ZBTB17: variants seen among roughly 807,000 people sequenced by gnomAD.
ZBTB17 encodes zinc finger and BTB domain-containing protein 17.
Under a neutral mutation model 85.1 loss-of-function variants are expected in ZBTB17, and 24 were observed. That is an observed-to-expected ratio of 0.28 (90% CI 0.20 to 0.40). ZBTB17 has a LOEUF of 0.40. Ranked by LOEUF, ZBTB17 falls within the 10% of genes least tolerant of loss-of-function variation. The pLI is 1.00. For synonymous variants in ZBTB17, 464 were observed against 460.2 expected (o/e 1.01, Z -0.11); for missense variants, 743 against 1,105.1 (o/e 0.67, Z 4.65).
Position 15,945,090 on chromosome 1 carries a change from C to T in ZBTB17, c.774G>A (p.Glu258=). The part of the protein sequence containing the change: ...AEVKEEGSQL[E]NGEAPEENEN... ...CGTTCTCCTCGGGGGCCTCTCCGTT[C>T]TCCAGCTGGGAACCCTCCTCCTTGA... Residue 258 remains glutamate (E), a synonymous_variant, in exon 7 of 16, where the codon GAG becomes GAA. Transcript: ENST00000375743. The T allele has an allele frequency of 6.2e-7, 1 of 1,611,462 alleles. No individual in the cohort carries two copies. Among genetic ancestry groups the T allele is most frequent in the Non-Finnish European group, 8.5e-7 (1 of 1,179,112 alleles).
intron 2 of ZBTB17, among the ~76,000 whole-genome samples, chr1:15,958,735 G>A (rs937242401): frequency 1.1e-4 from 16 of 152,218 alleles, no homozygotes; most frequent in Admixed American, 5.2e-4. Context: ...CTGGGACGAC[G>A]TGACCACACC....
At chr1:15,962,251 T>C (rs1290251359) in intron 2 of ZBTB17, among the ~76,000 whole-genome samples, 1 of 152,146 alleles carries the variant, frequency 6.6e-6, no homozygotes, top group African/African-American at 2.4e-5. Flanking sequence ...AAATTGTGAT[T>C]CCTGATAAGG....
At chr1:15,971,416 A>G (rs2072654877) in intron 2 of ZBTB17, among the ~76,000 whole-genome samples, 1 of 135,008 alleles carries the variant, frequency 7.4e-6, no homozygotes, top group African/African-American at 3.0e-5. Context: ...ATACACACAC[A>G]CTATATATAT....
intron 2 of ZBTB17, chr1:15,969,732 G>T: frequency 2.1e-6 from 1 of 486,546 alleles, no homozygotes; most frequent in Non-Finnish European, 4.0e-6. Flanking sequence ...GGGAGTCTGT[G>T]GGAGCACTCA....
At chr1:15,970,364 AAAG>A (rs1045364230) in intron 2 of ZBTB17, among the ~76,000 whole-genome samples, 15 of 30,364 alleles carry the variant, frequency 4.9e-4, no homozygotes, top group African/African-American at 4.4e-3. Flanking sequence ...CTTTGGACTT[AAAG>A]AAGAAAAAAA....
At position 15,946,268 on chromosome 1, in the gene ZBTB17, TCTC is replaced by T; in HGVS notation, c.418_420del (p.Glu140del). The T allele has an allele frequency of 1.2e-6, 2 of 1,613,766 alleles. No homozygotes were observed. The highest frequency in any genetic ancestry group is 8.5e-7 in the Non-Finnish European group (1 of 1,179,830). On this transcript the variant is annotated inframe_deletion, in exon 5 of 16. Coordinates refer to ENST00000375743, the MANE Select transcript of ZBTB17 (RefSeq NM_003443.3). ...CTGCTCAGCGTGCTGGTGGCCACCT[TCTC>T]CTCTTTGGCTCTCTTGTCCCCTCCT...
Position 15,948,486 on chromosome 1 carries a change from G to T in ZBTB17, c.10C>A (p.Pro4Thr), listed in dbSNP as rs377271800. The stretch of plus-strand genomic sequence containing the variant: ...TCCAAGACATGCTGGCTGTGCTGGG[G>T]AAAGTCCATGGCTGAAGAAAGCCAA... MDF[P>T]QHSQHVLEQL... Residue 4 changes from proline to threonine, a missense_variant, in exon 3 of 16, where the codon CCC becomes ACC. Physicochemically the swap from Pro to Thr is conservative, Grantham distance 38 (BLOSUM62 -1). Coordinates refer to ENST00000375743, the MANE Select transcript of ZBTB17 (RefSeq NM_003443.3). 44 of 1,613,540 alleles carry T rather than the reference G, an allele frequency of 2.7e-5. No individual in the cohort carries two copies. The highest frequency in any genetic ancestry group is 3.6e-5 in the Non-Finnish European group (42 of 1,179,760).
chr1:15,971,492 T>C (rs12748204), intron 2 of ZBTB17, among the ~76,000 whole-genome samples: 1 of 17,040 alleles, frequency 5.9e-5, no homozygotes, highest in East Asian at 1.1e-3. Context: ...ATACACACAC[T>C]ATATATATAT....
chr1:15,969,816 G>A, intron 2 of ZBTB17: 1 of 543,564 alleles, frequency 1.8e-6, no homozygotes, highest in Non-Finnish European at 3.5e-6. Flanking sequence ...AGCTTCCCCT[G>A]GAGTGGGTCA....
At chr1:15,948,170 G>T in intron 3 of ZBTB17, 121 bp downstream of exon 3, 2 of 1,174,058 alleles carry the variant, frequency 1.7e-6, no homozygotes, top group Non-Finnish European at 2.5e-6. Context: ...CCTGAAGCCT[G>T]TGCGGGAGGC....
At chr1:15,942,790 G>A in intron 13 of ZBTB17, 52 bp from the exon 14 acceptor site, 1 of 1,590,776 alleles carries the variant, frequency 6.3e-7, no homozygotes, top group Non-Finnish European at 8.6e-7. Context: ...CGCAGGGATG[G>A]GGTGGGAGGC....
At chr1:15,942,984 G>C (rs1372230999) in intron 13 of ZBTB17, 80 bp downstream of exon 13, 26 of 1,579,720 alleles carry the variant, frequency 1.6e-5, no homozygotes, top group Non-Finnish European at 2.2e-5. Flanking sequence ...CTGGGGTCTG[G>C]GGGGTCCCTT....
At position 15,944,450 on chromosome 1, in the gene ZBTB17, G is replaced by T. The variant is rs983953409; in HGVS notation, c.1221C>A (p.Arg407=). 1 of 1,576,170 alleles carries T rather than the reference G, an allele frequency of 6.3e-7. No individual in the cohort carries two copies. Among genetic ancestry groups the T allele is most frequent in the Non-Finnish European group, 8.6e-7 (1 of 1,161,682 alleles). ...TCTCGCCGCTGTGCACCAGCTGGTGGCGCTTGAGGTTGCCCGAGGTGGTGA... is the reference window on the plus strand; with the variant it reads ...TCTCGCCGCTGTGCACCAGCTGGTGTCGCTTGAGGTTGCCCGAGGTGGTGA... The part of the protein sequence containing the change: ...KLFTTSGNLK[R]HQLVHSGEKP... Residue 407 remains arginine, a synonymous_variant, in exon 9 of 16, where the codon CGC becomes CGA. Coordinates refer to ENST00000375743, the MANE Select transcript of ZBTB17 (RefSeq NM_003443.3).
At chr1:15,945,656 G>A in intron 6 of ZBTB17, 59 bp downstream of exon 6, 1 of 1,594,124 alleles carries the variant, frequency 6.3e-7, no homozygotes, top group South Asian at 1.1e-5. Context: ...GTGCGCAGTG[G>A]AGGCAGGGCC....
chr1:15,944,406 T>C lies in ZBTB17; in HGVS notation c.1265A>G (p.Tyr422Cys). 6.4e-7 allele frequency: 1 copy of C among 1,564,716 alleles called. No individual in the cohort carries two copies. Among genetic ancestry groups the C allele is most frequent in the Non-Finnish European group, 8.7e-7 (1 of 1,155,106 alleles). ...HSGEKPYQCDYCGRSFSDPTS... is the reference protein window; with the variant it reads ...HSGEKPYQCDCCGRSFSDPTS... ...GGGGTCGGAGAAGGAGCGGCCGCAG[T>C]AGTCGCACTGGTAGGGCTTCTCGCC... Residue 422 changes from tyrosine (Y) to cysteine (C), a missense_variant, in exon 9 of 16, where the codon TAC (tyrosine) becomes TGC (cysteine). Tyr to Cys is a radical substitution (Grantham distance 194, BLOSUM62 -2). Transcript: ENST00000375743.
rs201944575 is a variant in ZBTB17, at chr1:15,945,207, G to A, written c.662-5C>T. 39 of 1,551,098 alleles carry A rather than the reference G, an allele frequency of 2.5e-5. No individual in the cohort carries two copies. Among genetic ancestry groups the A allele is most frequent in the South Asian group, 1.3e-4 (11 of 84,112 alleles). On this transcript the variant is annotated splice_region_variant and splice_polypyrimidine_tract_variant and intron_variant, in intron 6 of 15. Coordinates refer to ENST00000375743, the MANE Select transcript of ZBTB17 (RefSeq NM_003443.3). ...GGGCGGGCTCCACCTCCATTTCTGC[G>A]GAGAAAAGGGCAAGCATGGAGGCGG...
intron 1 of ZBTB17, among the ~76,000 whole-genome samples, chr1:15,975,755 C>A (rs1485916739): frequency 6.6e-6 from 1 of 151,896 alleles, no homozygotes; most frequent in African/African-American, 2.4e-5. Flanking sequence ...CTCGCCCGGG[C>A]GGTCGCCTGG....
At chr1:15,974,243 G>T (rs2072777285) in intron 1 of ZBTB17, among the ~76,000 whole-genome samples, 2 of 149,750 alleles carry the variant, frequency 1.3e-5, no homozygotes, top group Middle Eastern at 3.5e-3. Context: ...TTTATTTCAG[G>T]CTGGAAATAA....
intron 2 of ZBTB17, among the ~76,000 whole-genome samples, chr1:15,970,392 C>T (rs1016278650): frequency 7.3e-5 from 11 of 151,038 alleles, no homozygotes; most frequent in African/African-American, 2.2e-4. Context: ...AAAGGAAGAG[C>T]CTTTTTGTTT....
Sources: allele counts gnomAD v4.1 joint callset (sites outside exome capture counted in the v4.1 genomes callset), GRCh38; gene constraint gnomAD v4.1.1; transcripts MANE v1.5; gene names NCBI Gene and HGNC (gene_info 2026-07-23, HGNC 2026-07-21).